The following SOX5 variants were observed in gnomAD, a reference collection of about 807,000 sequenced individuals.
The protein encoded by SOX5 is SRY-box transcription factor 5, also known as transcription factor SOX-5.
A neutral mutation model predicts 92.0 loss-of-function variants in SOX5; 9 were observed. The observed-to-expected ratio is 0.10, with a 90% CI of 0.06 to 0.17. The LOEUF is 0.17. Ranked by LOEUF, SOX5 falls within the 10% of genes least tolerant of loss-of-function variation. The pLI is 1.00. For missense variants in SOX5, 642 were observed against 944.5 expected, an observed-to-expected ratio of 0.68 and a Z score of 4.20; for synonymous variants, 344 against 336.3, an observed-to-expected ratio of 1.02 and a Z score of -0.25.
intron 9 of SOX5, among the ~76,000 whole-genome samples, chr12:23,591,531 G>C (rs536449237): frequency 6.6e-6 from 1 of 152,130 alleles, no homozygotes; most frequent in African/African-American, 2.4e-5. Context: ...AAAAAGATAA[G>C]CAAAATCAAA....
At chr12:23,779,636 T>C (rs1386220616) in intron 3 of SOX5, among the ~76,000 whole-genome samples, 2 of 151,334 alleles carry the variant, frequency 1.3e-5, no homozygotes, top group Non-Finnish European at 2.9e-5. Flanking sequence ...TGACCTAAAG[T>C]GCATCATAAG....
intron 1 of SOX5, among the ~76,000 whole-genome samples, chr12:24,562,014 A>T (rs1403508267): frequency 6.6e-6 from 1 of 152,224 alleles, no homozygotes; most frequent in Non-Finnish European, 1.5e-5. Context: ...CAAAAATAGA[A>T]AGTTATCCCG....
At chr12:23,840,134 C>G (rs1398219919) in intron 3 of SOX5, among the ~76,000 whole-genome samples, 7 of 151,712 alleles carry the variant, frequency 4.6e-5, no homozygotes, top group African/African-American at 1.5e-4. Flanking sequence ...CCTGAAAGGC[C>G]AAAGGATGCA....
intron 4 of SOX5, among the ~76,000 whole-genome samples, chr12:23,752,296 T>C (rs1160164281): frequency 6.6e-6 from 1 of 151,800 alleles, no homozygotes; most frequent in Non-Finnish European, 1.5e-5. Context: ...ATAAGGCAGG[T>C]AGAGAAACTG....
At chr12:23,729,614 T>C (rs1303875331) in intron 6 of SOX5, among the ~76,000 whole-genome samples, 1 of 152,206 alleles carries the variant, frequency 6.6e-6, no homozygotes, top group African/African-American at 2.4e-5. Context: ...TATTAAATAC[T>C]AATTCTTTGC....
chr12:24,535,306 C>A (rs1951543399), intron 1 of SOX5, among the ~76,000 whole-genome samples: 8 of 152,170 alleles, frequency 5.3e-5, no homozygotes. Flanking sequence ...TAACTGTAAA[C>A]ATTGATGAAA....
intron 3 of SOX5, among the ~76,000 whole-genome samples, chr12:23,756,159 C>T (rs1277117222): frequency 1.3e-5 from 2 of 151,646 alleles, no homozygotes; most frequent in Non-Finnish European, 2.9e-5. Flanking sequence ...TTTACAATTA[C>T]ATCCACTTTA....
At chr12:23,925,397 G>A (rs1030548641) in intron 1 of SOX5, among the ~76,000 whole-genome samples, 11 of 152,024 alleles carry the variant, frequency 7.2e-5, no homozygotes, top group African/African-American at 1.9e-4. Flanking sequence ...TAGCTGGTCC[G>A]TGACATCAAC....
chr12:23,660,787 G>A (rs1274177554), intron 7 of SOX5, among the ~76,000 whole-genome samples: 1 of 151,862 alleles, frequency 6.6e-6, no homozygotes, highest in Non-Finnish European at 1.5e-5. Context: ...ACCATTGATG[G>A]TTCAATAATT....
chr12:24,072,781 T>C (rs114950974), intron 4 of SOX5, among the ~76,000 whole-genome samples: 360 of 152,336 alleles, frequency 2.4e-3, no homozygotes, highest in African/African-American at 8.3e-3. Context: ...GCTATAAAAA[T>C]ATCACTTCAT....
At chr12:23,986,363 A>C (rs1950062135) in intron 4 of SOX5, among the ~76,000 whole-genome samples, 1 of 152,176 alleles carries the variant, frequency 6.6e-6, no homozygotes, top group Admixed American at 6.5e-5. Context: ...AACAAAAAAA[A>C]ACTATCAAGA....
chr12:23,816,755 G>A (rs745772857), intron 3 of SOX5, among the ~76,000 whole-genome samples: 3 of 152,162 alleles, frequency 2.0e-5, no homozygotes, highest in African/African-American at 7.2e-5. Flanking sequence ...AGTGGGACTG[G>A]AGAGTTACAC....
chr12:23,928,187 T>C (rs1940494478), intron 1 of SOX5, among the ~76,000 whole-genome samples: 1 of 151,992 alleles, frequency 6.6e-6, no homozygotes, highest in Admixed American at 6.6e-5. Flanking sequence ...CTAAGAAGTC[T>C]GAGTAGGGCT....
rs750937009 is a variant in SOX5, at chr12:24,090,360, T to G, written c.-2+122983A>C. On this transcript the variant is annotated intron_variant, in intron 4 of 4. Transcript: ENST00000446891. ...ACTCACATTCACTTACATTTCTATGTGACCACTGAGAACGCTTGTAGAATT... is the reference window on the plus strand; with the variant it reads ...ACTCACATTCACTTACATTTCTATGGGACCACTGAGAACGCTTGTAGAATT... Among the ~76,000 whole-genome samples, 73 of 152,216 alleles carry G rather than the reference T, an allele frequency of 4.8e-4. 1 individual carries two copies. The highest frequency in any genetic ancestry group is 1.8e-4 in the Non-Finnish European group (12 of 68,026).
At chr12:24,309,755 A>C (rs1948988328) in intron 2 of SOX5, among the ~76,000 whole-genome samples, 2 of 152,214 alleles carry the variant, frequency 1.3e-5, no homozygotes, top group Admixed American at 1.3e-4. Context: ...GTAACAGGAA[A>C]ACTGGAGATG....
chr12:23,986,446 C>T (rs1323463703), intron 4 of SOX5, among the ~76,000 whole-genome samples: 1 of 152,124 alleles, frequency 6.6e-6, no homozygotes, highest in Non-Finnish European at 1.5e-5. Context: ...GTACAAATCA[C>T]TGTTATTATC....
At chr12:24,163,553 G>A (rs1953024496) in intron 4 of SOX5, among the ~76,000 whole-genome samples, 1 of 137,484 alleles carries the variant, frequency 7.3e-6, no homozygotes, top group Non-Finnish European at 1.5e-5. Context: ...TACAATCTCT[G>A]CCTTATAGAT....
intron 1 of SOX5, among the ~76,000 whole-genome samples, chr12:24,538,956 T>C (rs1951882825): frequency 6.6e-6 from 1 of 152,194 alleles, no homozygotes; most frequent in Non-Finnish European, 1.5e-5. Context: ...AATATCACAC[T>C]GTTATACTTT....
intron 1 of SOX5, among the ~76,000 whole-genome samples, chr12:24,481,608 C>A (rs1946007845): frequency 6.6e-6 from 1 of 152,078 alleles, no homozygotes; most frequent in African/African-American, 2.4e-5. Flanking sequence ...ATTCTAAGAA[C>A]CTGGACAGTA....
Sources: allele counts gnomAD v4.1 joint callset (sites outside exome capture counted in the v4.1 genomes callset), GRCh38; gene constraint gnomAD v4.1.1; transcripts MANE v1.5; gene names NCBI Gene and HGNC (gene_info 2026-07-23, HGNC 2026-07-21).